Variants in CARMIL2 observed in about 807,000 individuals in gnomAD.
CARMIL2 encodes capping protein, Arp2/3 and myosin-I linker protein 2.
In CARMIL2, 96 loss-of-function variants were observed where a neutral mutation model predicts 173.3. The observed-to-expected ratio is 0.55, with a 90% confidence interval of 0.47 to 0.66. The LOEUF is 0.66. CARMIL2 is among the 30% of genes least tolerant of loss of function. CARMIL2 has a pLI of 0.00. For synonymous variants in CARMIL2, 830 were observed against 817.1 expected (o/e 1.02, Z -0.27); for missense variants, 1,771 against 1,906.7 (o/e 0.93, Z 1.33).
chr16:67,647,806 G>GGGGGGGGGGGGGGGC, intron 12 of CARMIL2, 40 bp downstream of exon 12: 1 of 570,016 alleles, frequency 1.8e-6, no homozygotes, highest in Non-Finnish European at 3.2e-6. Context: ...AGGGGGGTGG[G>GGGGGGGGGGGGGGGC]GGTCTGTCCA....
intron 29 of CARMIL2, 51 bp from the exon 30 acceptor site, chr16:67,654,098 G>C: frequency 1.2e-6 from 1 of 805,972 alleles, no homozygotes; most frequent in Non-Finnish European, 1.9e-6. Context: ...GGGGGGGGTA[G>C]AAGCCAGAGT....
Position 67,652,660 on chromosome 16 carries a change from G to A in CARMIL2, c.2884+122G>A. ...TCTGGGTACCCACCAGCCCTTGACTGGGCCAGGTCGGGCCCCTTGTGCAAC... is the reference window on the plus strand; with the variant it reads ...TCTGGGTACCCACCAGCCCTTGACTAGGCCAGGTCGGGCCCCTTGTGCAAC... On this transcript the variant is annotated intron_variant, in intron 28 of 37. Transcript: ENST00000334583. The surrounding 1 kb of genome is among the most constrained non-coding windows in gnomAD (Gnocchi z 4.7). The A allele has an allele frequency of 1.1e-6, 1 of 921,876 alleles. No individual in the cohort carries two copies. Among genetic ancestry groups the A allele is most frequent in the Non-Finnish European group, 1.7e-6 (1 of 603,168 alleles). The allele number at this position is 921,876 out of a possible 1,614,324, so 57.1% of individuals were successfully genotyped here.
At position 67,648,209 on chromosome 16, in the gene CARMIL2, C is replaced by T. The variant is rs1472367455; in HGVS notation, c.1229C>T (p.Ala410Val). 4.4e-6 allele frequency: 7 copies of T among 1,604,452 alleles called. No homozygotes were observed. Among genetic ancestry groups the T allele is most frequent in the East Asian group, 2.2e-5 (1 of 44,676 alleles). The change falls in exon 14 of 38, where the codon GCG becomes GTG. Residue 410 changes from alanine to valine, a missense_variant. Physicochemically the swap from Ala to Val is moderately conservative, Grantham distance 64. Coordinates refer to ENST00000334583, the MANE Select transcript of CARMIL2 (RefSeq NM_001013838.3). The surrounding 1 kb of genome is among the most constrained non-coding windows in gnomAD (Gnocchi z 6.1). ...RAGRGGLGPP[A>V]GVANSLPPQL... ...GGACGGGGAGGGCTCGGTCCCCCCGCGGGTGTAGCCAACAGCCTCCCCCCG... is the reference window on the plus strand; with the variant it reads ...GGACGGGGAGGGCTCGGTCCCCCCGTGGGTGTAGCCAACAGCCTCCCCCCG...
chr16:67,654,723 C>T (rs764853758), intron 31 of CARMIL2, 31 bp downstream of exon 31: 3 of 1,603,736 alleles, frequency 1.9e-6, no homozygotes, highest in South Asian at 1.1e-5. Context: ...GTGGTGAAGG[C>T]GCTTCTGGGA....
At position 67,656,823 on chromosome 16, in the gene CARMIL2, T is replaced by C. The variant is rs549040232; in HGVS notation, c.4059T>C (p.Pro1353=). The C allele has an allele frequency of 1.3e-6, 2 of 1,550,822 alleles. No individual in the cohort carries two copies. Among genetic ancestry groups the C allele is most frequent in the African/African-American group, 1.4e-5 (1 of 73,106 alleles). Residue 1353 remains proline (P), a synonymous_variant, in exon 36 of 38, where the codon CCT becomes CCC. Transcript: ENST00000334583. ...RNEDGQLRPR[P]LSAGRRAVSV... Reference sequence around the variant, plus strand: ...CAGATGGCCAGCTGAGGCCGAGGCCTCTCTCGGCAGGGCGGCGAGCAGTGT... The same window carrying C: ...CAGATGGCCAGCTGAGGCCGAGGCCCCTCTCGGCAGGGCGGCGAGCAGTGT...
At chr16:67,647,415 A>G in intron 10 of CARMIL2, 28 bp downstream of exon 10, 1 of 1,563,516 alleles carries the variant, frequency 6.4e-7, no homozygotes, top group Non-Finnish European at 8.7e-7. Flanking sequence ...GGGCTTGGAG[A>G]GGAGAGTCTG....
At position 67,657,427 on chromosome 16, in the gene CARMIL2, C is replaced by T. The variant is rs1241134987; in HGVS notation, c.4217C>T (p.Pro1406Leu). Reference sequence around the variant, plus strand: ...ACAGGATCTGGCCTTGGAACCGAGCCTCTGCCCCCACAGCCCACAGAGCCC... The same window carrying T: ...ACAGGATCTGGCCTTGGAACCGAGCTTCTGCCCCCACAGCCCACAGAGCCC... ...PSLGSGLGTE[P>L]LPPQPTEPSS... Residue 1406 changes from proline (P) to leucine (L), a missense_variant, in exon 38 of 38, where the codon CCT becomes CTT. By Grantham distance (98) the Pro-to-Leu change is moderately conservative. Coordinates refer to ENST00000334583, the MANE Select transcript of CARMIL2 (RefSeq NM_001013838.3). This position sits in a 1 kb window ranked among gnomAD's most constrained non-coding sequence, Gnocchi z 4.5. The T allele has an allele frequency of 6.2e-7, 1 of 1,608,562 alleles. No individual in the cohort carries two copies. The highest frequency in any genetic ancestry group is 8.5e-7 in the Non-Finnish European group (1 of 1,177,678).
Position 67,651,797 on chromosome 16 carries a change from C to T in CARMIL2, c.2540C>T (p.Pro847Leu), listed in dbSNP as rs546586729. 27 of 1,610,252 alleles carry T rather than the reference C, an allele frequency of 1.7e-5. No homozygotes were observed. The Middle Eastern group carries it at 1.5e-3, about 89-fold the overall frequency. Residue 847 changes from proline (P) to leucine (L), a missense_variant, in exon 25 of 38, where the codon CCG becomes CTG. Physicochemically the swap from Pro to Leu is moderately conservative, Grantham distance 98 (BLOSUM62 -3). Transcript: ENST00000334583. This position sits in a 1 kb window ranked among gnomAD's most constrained non-coding sequence, Gnocchi z 4.2. Reference protein sequence around the residue: ...EGVLAGSRGLPELLPEQLLQD... With the variant: ...EGVLAGSRGLLELLPEQLLQD... ...GTCCTGGCAGGCTCGAGGGGCCTCC[C>T]GGAGCTGCTCCCAGAGCAGCTGCTG...
rs138175494 is a variant in CARMIL2 at position 67,647,070 on chromosome 16, G to A, written c.612-46G>A. The A allele has an allele frequency of 9.0e-4, 1,452 of 1,610,484 alleles. 12 individuals carry two copies. In the African/African-American group the frequency reaches 0.018, roughly 20 times the overall value. On this transcript the variant is annotated intron_variant, in intron 8 of 37. Transcript: ENST00000334583. ...GGAGGGGCTGCTGGGCCTGGGACCT[G>A]GCTGGAGGGCCCTGAGCTCTGCCTC...
chr16:67,646,137 C>T lies in CARMIL2; in HGVS notation c.250-49C>T. 3 of 1,613,792 alleles carry T rather than the reference C, an allele frequency of 1.9e-6. No homozygotes were observed. Among genetic ancestry groups the T allele is most frequent in the Non-Finnish European group, 2.5e-6 (3 of 1,179,838 alleles). ...AGCCTGGTCTTCATGCTACCACCAT[C>T]ACCTGCGCCCATGTGTGGAGCCGAG... is the stretch of plus-strand genomic sequence containing the variant. On this transcript the variant is annotated intron_variant, in intron 4 of 37. Coordinates refer to ENST00000334583, the MANE Select transcript of CARMIL2 (RefSeq NM_001013838.3). This position sits in a 1 kb window ranked among gnomAD's most constrained non-coding sequence, Gnocchi z 4.6.
chr16:67,654,650 G>T lies in CARMIL2; in HGVS notation c.3540G>T (p.Leu1180=), dbSNP rs760587505. ...RDSKAYSMIL[L]PAEEEATLGA... ...GCAAGGCCTACTCGATGATACTGCTGCCTGCCGAGGAGGAGGCAACGCTGG... is the reference window on the plus strand; with the variant it reads ...GCAAGGCCTACTCGATGATACTGCTTCCTGCCGAGGAGGAGGCAACGCTGG... The change falls in exon 31 of 38, where the codon CTG becomes CTT. Residue 1180 remains leucine, a synonymous_variant. Transcript: ENST00000334583. The T allele has an allele frequency of 3.2e-6, 5 of 1,586,936 alleles. No individual in the cohort carries two copies. The highest frequency in any genetic ancestry group is 1.7e-5 in the Admixed American group (1 of 57,380).
chr16:67,650,419 A>C, intron 22 of CARMIL2: 3 of 522,218 alleles, frequency 5.7e-6, no homozygotes, highest in Non-Finnish European at 6.9e-6. Flanking sequence ...TTTTCCCCCA[A>C]TTGTAGCCCC....
chr16:67,652,991 C>G lies in CARMIL2; in HGVS notation c.2885-28C>G. The G allele has an allele frequency of 8.4e-7, 1 of 1,194,340 alleles. No individual in the cohort carries two copies. Among genetic ancestry groups the G allele is most frequent in the Non-Finnish European group, 1.1e-6 (1 of 925,374 alleles). 74.0% of individuals were successfully genotyped at this position (1,194,340 alleles called of 1,614,324 possible). A position where few individuals can be genotyped will look rare whatever the true frequency, so the allele number is the denominator to read the frequency against. On this transcript the variant is annotated intron_variant, in intron 28 of 37. Coordinates refer to ENST00000334583, the MANE Select transcript of CARMIL2 (RefSeq NM_001013838.3). This position sits in a 1 kb window ranked among gnomAD's most constrained non-coding sequence, Gnocchi z 4.7. ...CCGCCACCTCCCCGGGCTCGGCGCT[C>G]GGTGCTCTTCTGGTGCTGTCCCCTC... is the stretch of plus-strand genomic sequence containing the variant.
At position 67,646,089 on chromosome 16, in the gene CARMIL2, C is replaced by G; in HGVS notation, c.249+9C>G. The G allele has an allele frequency of 6.2e-7, 1 of 1,613,812 alleles. No homozygotes were observed. Among genetic ancestry groups the G allele is most frequent in the Non-Finnish European group, 8.5e-7 (1 of 1,179,886 alleles). On this transcript the variant is annotated intron_variant, in intron 4 of 37. Transcript: ENST00000334583. This position sits in a 1 kb window ranked among gnomAD's most constrained non-coding sequence, Gnocchi z 4.6. Reference sequence around the variant, plus strand: ...AGGAGACACCCCCTCAGGTGAGACACCTAGTACCCTACCTGGGCCTGCAGC... The same window carrying G: ...AGGAGACACCCCCTCAGGTGAGACAGCTAGTACCCTACCTGGGCCTGCAGC...
In CARMIL2 at chr16:67,646,501, C is replaced by G; in HGVS notation, c.450C>G (p.Asp150Glu). 1.2e-6 allele frequency: 2 copies of G among 1,613,182 alleles called. No homozygotes were observed. The highest frequency in any genetic ancestry group is 1.7e-6 in the Non-Finnish European group (2 of 1,179,786). Residue 150 changes from aspartate to glutamate, a missense_variant, in exon 6 of 38, where the codon GAC (aspartate) becomes GAG (glutamate). By Grantham distance (45) the Asp-to-Glu change is conservative. Transcript: ENST00000334583. This position sits in a 1 kb window ranked among gnomAD's most constrained non-coding sequence, Gnocchi z 4.6. ...GAAGCAGCCCCTCGGAGTCCACTGA[C>G]CCCTGCAGCCCCTGTGGTAAGGGTG... is the stretch of plus-strand genomic sequence containing the variant. The part of the protein sequence containing the change: ...LERSSPSEST[D>E]PCSPCGGFLE...
intron 22 of CARMIL2, 56 bp downstream of exon 22, chr16:67,650,206 C>A: frequency 6.9e-7 from 1 of 1,448,844 alleles, no homozygotes; most frequent in Non-Finnish European, 9.4e-7. Context: ...CTGTGGCATC[C>A]GGGAGCCTCC....
chr16:67,647,867 C>A lies in CARMIL2; in HGVS notation c.980C>A (p.Ala327Glu), dbSNP rs749750485. Reference protein sequence around the residue: ...TPRGMRALGRALATNAAFDST... With the variant: ...TPRGMRALGRELATNAAFDST... ...CCAGGAATGAGGGCTCTGGGCCGGG[C>A]ACTGGCCACCAATGCCGCCTTCGAC... The change falls in exon 13 of 38, where the codon GCA (alanine) becomes GAA (glutamate). Residue 327 changes from alanine (A) to glutamate (E), a missense_variant. Ala to Glu is a moderately radical substitution (Grantham distance 107). Coordinates refer to ENST00000334583, the MANE Select transcript of CARMIL2 (RefSeq NM_001013838.3). 6.2e-7 allele frequency: 1 copy of A among 1,610,132 alleles called. No homozygotes were observed. Among genetic ancestry groups the A allele is most frequent in the Admixed American group, 1.7e-5 (1 of 59,766 alleles).
intron 32 of CARMIL2, among the ~76,000 whole-genome samples, chr16:67,655,168 C>T (rs958704470): frequency 3.9e-5 from 6 of 152,252 alleles, no homozygotes; most frequent in African/African-American, 1.4e-4. Context: ...CCATGGCTCA[C>T]GCCTGTAATC....
chr16:67,647,270 C>T (rs547782046), intron 9 of CARMIL2, 29 bp from the exon 10 acceptor site: 41 of 1,610,118 alleles, frequency 2.5e-5, no homozygotes, highest in South Asian at 2.5e-4. Context: ...CAGGGTGCAG[C>T]CCGTGAGCCG....
Sources: allele counts gnomAD v4.1 joint callset (sites outside exome capture counted in the v4.1 genomes callset), GRCh38; gene constraint gnomAD v4.1.1; non-coding constraint Gnocchi (gnomAD v3.1); transcripts MANE v1.5; gene names NCBI Gene and HGNC (gene_info 2026-07-23, HGNC 2026-07-21).